Variants in CENPP observed in about 807,000 individuals in gnomAD.
CENPP encodes centromere protein P.
In CENPP, 24 loss-of-function variants were observed where a neutral mutation model predicts 35.6. The ratio of observed to expected loss-of-function variants is 0.67; its 90% CI spans 0.49 to 0.95. The LOEUF is 0.95. Among genes scored for constraint, CENPP ranks in the 40% least tolerant of loss-of-function variants. The probability of loss-of-function intolerance (pLI) is 0.00; values close to 1 mark genes in which losing one functional copy is unlikely to be tolerated. For synonymous variants in CENPP, 120 were observed against 125.5 expected, an observed-to-expected ratio of 0.96 and a Z score of 0.29; for missense variants, 332 against 345.3, an observed-to-expected ratio of 0.96 and a Z score of 0.31.
intron 5 of CENPP, among the ~76,000 whole-genome samples, chr9:92,509,090 C>T (rs1847182107): frequency 6.6e-6 from 1 of 151,266 alleles, no homozygotes; most frequent in African/African-American, 2.4e-5. Context: ...TAGCACAGTC[C>T]CGAAACAAGC....
chr9:92,563,096 C>T (rs1344121765), intron 5 of CENPP, among the ~76,000 whole-genome samples: 1 of 152,114 alleles, frequency 6.6e-6, no homozygotes, highest in Non-Finnish European at 1.5e-5. Flanking sequence ...AAACTGTACC[C>T]AAGGATTCAT....
intron 5 of CENPP, chr9:92,501,199 G>T: frequency 1.3e-6 from 1 of 794,896 alleles, no homozygotes; most frequent in Non-Finnish European, 2.0e-6. Flanking sequence ...AACTTTTCCA[G>T]GTATAGCCAG....
Position 92,517,970 on chromosome 9 carries a change from C to T in CENPP, c.565-93344C>T. 5 of 1,404,116 alleles carry T rather than the reference C, an allele frequency of 3.6e-6. No homozygotes were observed. In the South Asian group the frequency reaches 5.1e-5, roughly 14 times the overall value. 87.0% of individuals were successfully genotyped at this position (1,404,116 alleles called of 1,614,324 possible). A position where few individuals can be genotyped will look rare whatever the true frequency, so the allele number is the denominator to read the frequency against. ...ACAATGTGAAGTCAAACTGCTCTAA[C>T]CACACAAGAATAGAATTCTATGTGC... On this transcript the variant is annotated intron_variant, in intron 5 of 7. Coordinates refer to ENST00000375587, the MANE Select transcript of CENPP (RefSeq NM_001012267.3).
intron 5 of CENPP, chr9:92,522,896 A>G: frequency 6.4e-7 from 1 of 1,567,362 alleles, no homozygotes; most frequent in Non-Finnish European, 8.6e-7. Context: ...GCCAATTTCT[A>G]GAATGAAACA....
chr9:92,495,926 C>CT, intron 5 of CENPP: 1 of 985,736 alleles, frequency 1.0e-6, no homozygotes, highest in Non-Finnish European at 1.2e-6. Flanking sequence ...CATTATGCTT[C>CT]TTAATCTTGA....
chr9:92,487,978 AT>A (rs1289340201), intron 5 of CENPP, among the ~76,000 whole-genome samples: 1 of 152,258 alleles, frequency 6.6e-6, no homozygotes, highest in Admixed American at 6.5e-5. Context: ...GCACTTTATT[AT>A]AAAATCAGCT....
intron 5 of CENPP, chr9:92,517,661 T>C: frequency 6.2e-7 from 1 of 1,613,276 alleles, no homozygotes; most frequent in Non-Finnish European, 8.5e-7. Flanking sequence ...CACACACTGA[T>C]ATTTTGCTTA....
At chr9:92,354,126 G>T (rs1447148476) in intron 4 of CENPP, among the ~76,000 whole-genome samples, 1 of 152,210 alleles carries the variant, frequency 6.6e-6, no homozygotes, top group Non-Finnish European at 1.5e-5. Context: ...TACTGTGATG[G>T]TGGATAAGGC....
chr9:92,487,047 G>A (rs539258863), intron 5 of CENPP, among the ~76,000 whole-genome samples: 23 of 152,306 alleles, frequency 1.5e-4, no homozygotes, highest in African/African-American at 4.8e-4. Context: ...CTCCCAAAGC[G>A]CTAGGATTAC....
rs112080285 is a variant in CENPP at position 92,359,521 on chromosome 9, A to G, written c.467+13734A>G. 3.9e-5 allele frequency among the ~76,000 whole-genome samples: 6 copies of G among 152,194 alleles called. 1 individual carries two copies. The highest frequency in any genetic ancestry group is 1.4e-4 in the African/African-American group (6 of 41,520). ...TTTCCATGGGTATGTGCAATCTCTT[A>G]CAGAATCTCCCCTTATATGCAGTTA... On this transcript the variant is annotated intron_variant, in intron 4 of 7. Transcript: ENST00000375587.
At chr9:92,442,398 C>CAAAAAAAAAAA (rs71362387) in intron 5 of CENPP, among the ~76,000 whole-genome samples, 4 of 74,470 alleles carry the variant, frequency 5.4e-5, no homozygotes, top group East Asian at 5.6e-4. Context: ...AACTCTGTCT[C>CAAAAAAAAAAA]AAAAAAAAAA....
intron 5 of CENPP, among the ~76,000 whole-genome samples, chr9:92,551,840 GGT>G (rs1849593131): frequency 6.7e-6 from 1 of 149,364 alleles, no homozygotes; most frequent in Non-Finnish European, 1.5e-5. Context: ...GGTCATCCAT[GGT>G]GTGTGTATAT....
At chr9:92,486,356 A>G (rs1225141345) in intron 5 of CENPP, among the ~76,000 whole-genome samples, 1 of 152,324 alleles carries the variant, frequency 6.6e-6, no homozygotes, top group East Asian at 1.9e-4. Flanking sequence ...TTCGGTTTCT[A>G]ATGAACTTAT....
At chr9:92,539,239 A>G (rs1849259103) in intron 5 of CENPP, 1 of 152,168 alleles carries the variant, frequency 6.6e-6, no homozygotes, top group Admixed American at 6.5e-5. Context: ...AAATCTAAGG[A>G]CAGAGGCTAA....
At chr9:92,408,979 G>A (rs917337348) in intron 5 of CENPP, among the ~76,000 whole-genome samples, 1 of 152,152 alleles carries the variant, frequency 6.6e-6, no homozygotes, top group Admixed American at 6.5e-5. Context: ...GAGAACCCAT[G>A]TATTTTACTT....
intron 5 of CENPP, among the ~76,000 whole-genome samples, chr9:92,501,303 G>C (rs1394876835): frequency 6.6e-6 from 1 of 152,094 alleles, no homozygotes; most frequent in Non-Finnish European, 1.5e-5. Flanking sequence ...TCAAAGACTA[G>C]GAGGGAAAAA....
rs200822051 is a variant in CENPP at position 92,332,285 on chromosome 9, G to T, written c.223G>T (p.Gly75Cys). 143 of 1,611,712 alleles carry T rather than the reference G, an allele frequency of 8.9e-5. No individual in the cohort carries two copies. Among genetic ancestry groups the T allele is most frequent in the Non-Finnish European group, 1.1e-4 (127 of 1,179,040 alleles). The change falls in exon 2 of 8, where the codon GGC becomes TGC. Residue 75 changes from glycine (G) to cysteine (C), a missense_variant. Physicochemically the swap from Gly to Cys is radical, Grantham distance 159. Coordinates refer to ENST00000375587, the MANE Select transcript of CENPP (RefSeq NM_001012267.3). The stretch of plus-strand genomic sequence containing the variant: ...ACTTTCATTTCTAAGTACGCTTACT[G>T]GCATCAATATAAGAAATCACTCCAA... ...SELSFLSTLT[G>C]INIRNHSKQT...
intron 4 of CENPP, among the ~76,000 whole-genome samples, chr9:92,350,110 ATTG>A (rs1841405406): frequency 6.6e-6 from 1 of 152,202 alleles, no homozygotes; most frequent in African/African-American, 2.4e-5. Context: ...CCAGGAATTT[ATTG>A]TTAGAATAAA....
At chr9:92,530,817 G>A (rs138795429) in intron 5 of CENPP, among the ~76,000 whole-genome samples, 328 of 152,184 alleles carry the variant, frequency 2.2e-3, no homozygotes, top group South Asian at 4.4e-3. Context: ...ACTGAGCATA[G>A]TACCCAACAG....
Sources: allele counts gnomAD v4.1 joint callset (sites outside exome capture counted in the v4.1 genomes callset), GRCh38; gene constraint gnomAD v4.1.1; transcripts MANE v1.5; gene names NCBI Gene and HGNC (gene_info 2026-07-23, HGNC 2026-07-21).